ZCCHC7: variants seen among roughly 807,000 people sequenced by gnomAD.
ZCCHC7 encodes the protein zinc finger CCHC-type containing 7.
ZCCHC7 carries 35 observed loss-of-function variants against 52.0 expected under a neutral mutation model. The observed-to-expected ratio is 0.67, with a 90% CI of 0.51 to 0.89. The LOEUF (loss-of-function observed/expected upper bound fraction) is 0.89, where lower values mean the gene tolerates loss of function less well. Ranked by LOEUF, ZCCHC7 falls within the 40% of genes least tolerant of loss-of-function variation. The pLI, the probability that ZCCHC7 is intolerant of heterozygous loss-of-function variation, is 0.00. For missense variants in ZCCHC7, 574 were observed against 649.1 expected (o/e 0.88, Z 1.26); for synonymous variants, 217 against 221.5 (o/e 0.98, Z 0.18).
At chr9:37,272,864 C>T (rs1402762639) in intron 2 of ZCCHC7, among the ~76,000 whole-genome samples, 1 of 152,148 alleles carries the variant, frequency 6.6e-6, no homozygotes, top group African/African-American at 2.4e-5. Context: ...TTTTTAACTA[C>T]TGTATAGTAT....
intron 2 of ZCCHC7, among the ~76,000 whole-genome samples, chr9:37,281,906 G>A (rs1309224918): frequency 6.6e-6 from 1 of 152,110 alleles, no homozygotes; most frequent in Non-Finnish European, 1.5e-5. Flanking sequence ...CTAAATACTC[G>A]TTAATATTCT....
chr9:37,150,006 G>T (rs192007582), intron 2 of ZCCHC7, among the ~76,000 whole-genome samples: 1 of 152,156 alleles, frequency 6.6e-6, no homozygotes, highest in Non-Finnish European at 1.5e-5. Flanking sequence ...GCCTTTAATG[G>T]CAGTTTTTCA....
intron 2 of ZCCHC7, among the ~76,000 whole-genome samples, chr9:37,223,816 T>C (rs1297510805): frequency 6.6e-6 from 1 of 152,130 alleles, no homozygotes; most frequent in Non-Finnish European, 1.5e-5. Context: ...GTATAGTCTA[T>C]AACCATTGAC....
intron 5 of ZCCHC7, among the ~76,000 whole-genome samples, chr9:37,321,215 C>T (rs1588667924): frequency 6.6e-6 from 1 of 151,744 alleles, no homozygotes; most frequent in Non-Finnish European, 1.5e-5. Flanking sequence ...GTCTTGATCT[C>T]CTGACCTCGT....
chr9:37,297,422 C>T (rs1828838922), intron 2 of ZCCHC7, among the ~76,000 whole-genome samples: 1 of 152,112 alleles, frequency 6.6e-6, no homozygotes, highest in South Asian at 2.1e-4. Context: ...TAAATGGAAA[C>T]TTTTTAAGGA....
At chr9:37,272,328 C>T (rs1047277639) in intron 2 of ZCCHC7, among the ~76,000 whole-genome samples, 4 of 151,918 alleles carry the variant, frequency 2.6e-5, no homozygotes, top group Admixed American at 6.6e-5. Flanking sequence ...CTTTCTCTTA[C>T]CCTGTAAAGT....
chr9:37,125,621 A>G (rs1369622332), intron 1 of ZCCHC7, among the ~76,000 whole-genome samples: 2 of 152,254 alleles, frequency 1.3e-5, no homozygotes, highest in Non-Finnish European at 2.9e-5. Flanking sequence ...AATATGAGCT[A>G]TAGAACCAGA....
chr9:37,165,950 G>C (rs1821394502), intron 2 of ZCCHC7, among the ~76,000 whole-genome samples: 2 of 152,142 alleles, frequency 1.3e-5, no homozygotes, highest in Admixed American at 6.5e-5. Context: ...GTTTATAATT[G>C]CAAATTTAAT....
Position 37,354,743 on chromosome 9 carries a change from C to T in ZCCHC7, c.1117C>T (p.Pro373Ser). ...CPEREVYDPS[P>S]VSPFICYYDD... ...AGAAAGAGAAGTGTATGACCCGTCTCCAGTATCTCCATTCATCTGCTACTA... is the reference window on the plus strand; with the variant it reads ...AGAAAGAGAAGTGTATGACCCGTCTTCAGTATCTCCATTCATCTGCTACTA... Residue 373 changes from proline to serine, a missense_variant, in exon 8 of 9, where the codon CCA (proline) becomes TCA (serine). Pro to Ser is a moderately conservative substitution (Grantham distance 74). Transcript: ENST00000336755. This position sits in a 1 kb window ranked among gnomAD's most constrained non-coding sequence, Gnocchi z 4.0. The T allele has an allele frequency of 6.2e-7, 1 of 1,613,202 alleles. No individual in the cohort carries two copies. Among genetic ancestry groups the T allele is most frequent in the Non-Finnish European group, 8.5e-7 (1 of 1,179,312 alleles).
At chr9:37,184,392 CA>C (rs34335465) in intron 2 of ZCCHC7, among the ~76,000 whole-genome samples, 12,691 of 121,222 alleles carry the variant, frequency 0.1, 648 homozygotes, top group Middle Eastern at 0.21. Flanking sequence ...TGGCTTGCAT[CA>C]AAAAAAAAAA....
chr9:37,250,124 A>G (rs1180525509), intron 2 of ZCCHC7, among the ~76,000 whole-genome samples: 1 of 152,170 alleles, frequency 6.6e-6, no homozygotes, highest in Non-Finnish European at 1.5e-5. Flanking sequence ...TGTGAAGACT[A>G]AGTGAATTAA....
At chr9:37,296,597 TC>T (rs1828793034) in intron 2 of ZCCHC7, among the ~76,000 whole-genome samples, 1 of 151,964 alleles carries the variant, frequency 6.6e-6, no homozygotes, top group Non-Finnish European at 1.5e-5. Flanking sequence ...TTTTTTTTTT[TC>T]CGAATCTCTA....
At chr9:37,198,581 G>A (rs764866383) in intron 2 of ZCCHC7, among the ~76,000 whole-genome samples, 1 of 152,138 alleles carries the variant, frequency 6.6e-6, no homozygotes, top group African/African-American at 2.4e-5. Flanking sequence ...GAGTCTATGA[G>A]GAATTAAGAT....
At chr9:37,195,450 C>A (rs1228197274) in intron 2 of ZCCHC7, among the ~76,000 whole-genome samples, 2 of 152,056 alleles carry the variant, frequency 1.3e-5, no homozygotes, top group Non-Finnish European at 2.9e-5. Context: ...AAATGCTGCT[C>A]ATTAGCAATG....
At chr9:37,235,397 C>T (rs1024297037) in intron 2 of ZCCHC7, among the ~76,000 whole-genome samples, 1 of 152,042 alleles carries the variant, frequency 6.6e-6, no homozygotes, top group Non-Finnish European at 1.5e-5. Context: ...ATATAATGTC[C>T]TCCAGGCTTA....
chr9:37,296,306 A>T (rs990759279), intron 2 of ZCCHC7, among the ~76,000 whole-genome samples: 5 of 152,240 alleles, frequency 3.3e-5, no homozygotes, highest in African/African-American at 4.8e-5. Flanking sequence ...AAAAAGATGT[A>T]TAAAAAGAAG....
intron 2 of ZCCHC7, among the ~76,000 whole-genome samples, chr9:37,161,574 C>T (rs1205441915): frequency 7.3e-6 from 1 of 137,010 alleles, no homozygotes; most frequent in Non-Finnish European, 1.6e-5. Flanking sequence ...GACTCTGTCT[C>T]AAAAAAAAAA....
At chr9:37,276,075 G>A (rs1278101996) in intron 2 of ZCCHC7, among the ~76,000 whole-genome samples, 1 of 152,200 alleles carries the variant, frequency 6.6e-6, no homozygotes, top group East Asian at 1.9e-4. Flanking sequence ...TGTTTTGGTA[G>A]GGGGATAGTA....
At chr9:37,275,246 G>A (rs1004423465) in intron 2 of ZCCHC7, among the ~76,000 whole-genome samples, 1 of 151,676 alleles carries the variant, frequency 6.6e-6, no homozygotes, top group Admixed American at 6.6e-5. Context: ...TGACTTTTGT[G>A]GCAGTACTTC....
Sources: gnomAD v4.1 joint callset for allele counts (sites outside exome capture counted in the v4.1 genomes callset) on GRCh38, gnomAD v4.1.1 for gene constraint, Gnocchi (gnomAD v3.1) non-coding constraint, MANE v1.5 for transcripts, NCBI Gene and HGNC (gene_info 2026-07-23, HGNC 2026-07-21) for gene names.